Variants in SHC3 observed in about 807,000 individuals in gnomAD.
SHC3 encodes the protein SHC-transforming protein 3.
SHC3 carries 15 observed loss-of-function variants against 60.4 expected under a neutral mutation model. The observed-to-expected ratio is 0.25, with a 90% CI of 0.17 to 0.38. SHC3 has a LOEUF of 0.38. SHC3 is among the 10% of genes least tolerant of loss of function. SHC3 has a pLI of 1.00. For missense variants in SHC3, 677 were observed against 786.1 expected, an observed-to-expected ratio of 0.86 and a Z score of 1.66; for synonymous variants, 294 against 325.9, an observed-to-expected ratio of 0.90 and a Z score of 1.05.
intron 11 of SHC3, among the ~76,000 whole-genome samples, chr9:89,026,603 C>T (rs12115277): frequency 0.018 from 2,695 of 152,324 alleles, 101 homozygotes; most frequent in African/African-American, 0.061. Flanking sequence ...TCAGGATCTC[C>T]TGGGGCTGTG....
At chr9:89,139,790 A>G (rs1826366941) in intron 1 of SHC3, among the ~76,000 whole-genome samples, 1 of 152,176 alleles carries the variant, frequency 6.6e-6, no homozygotes, top group Non-Finnish European at 1.5e-5. Flanking sequence ...AGTTTCTCCA[A>G]TTCTGTCCTA....
intron 2 of SHC3, among the ~76,000 whole-genome samples, chr9:89,089,170 G>A (rs572767090): frequency 1.2e-4 from 19 of 152,312 alleles, no homozygotes; most frequent in Non-Finnish European, 2.5e-4. Flanking sequence ...TGCACCAGAA[G>A]CTGGCTGTCC....
Position 89,011,567 on chromosome 9 carries a change from G to T in SHC3, c.*1880C>A, listed in dbSNP as rs1169843187. The T allele has an allele frequency of 6.6e-6, 1 of 152,276 alleles. No homozygotes were observed. The highest frequency in any genetic ancestry group is 2.4e-5 in the African/African-American group (1 of 41,462). 9.4% of individuals were successfully genotyped at this position (152,276 alleles called of 1,614,324 possible). A position where few individuals can be genotyped will look rare whatever the true frequency, so the allele number is the denominator to read the frequency against. On this transcript the variant is annotated 3_prime_UTR_variant, in exon 12 of 12. Coordinates refer to ENST00000375835, the MANE Select transcript of SHC3 (RefSeq NM_016848.6). ...ACAGATGTGCAGGGCAGCTCTCAGA[G>T]CACCCAAGTCTATGCTGTCTTGGGG...
intron 5 of SHC3, among the ~76,000 whole-genome samples, chr9:89,066,168 C>T (rs917862426): frequency 1.8e-4 from 27 of 152,264 alleles, no homozygotes; most frequent in African/African-American, 6.3e-4. Flanking sequence ...CTAAGCCATA[C>T]CCCCGAGTTT....
Position 89,012,929 on chromosome 9 carries a change from C to G in SHC3, c.*518G>C, listed in dbSNP as rs1826031697. ...GGATGCCCGCTCCCACCAGCAAGCACAGCCATGCCTCAGAACCAGTATCTC... is the reference window on the plus strand; with the variant it reads ...GGATGCCCGCTCCCACCAGCAAGCAGAGCCATGCCTCAGAACCAGTATCTC... On this transcript the variant is annotated 3_prime_UTR_variant, in exon 12 of 12. Coordinates refer to ENST00000375835, the MANE Select transcript of SHC3 (RefSeq NM_016848.6). The G allele has an allele frequency of 6.6e-6, 1 of 152,392 alleles. No individual in the cohort carries two copies. The highest frequency in any genetic ancestry group is 2.4e-5 in the African/African-American group (1 of 41,440). 9.4% of individuals were successfully genotyped at this position (152,392 alleles called of 1,614,324 possible). A position where few individuals can be genotyped will look rare whatever the true frequency, so the allele number is the denominator to read the frequency against.
At chr9:89,111,881 C>T (rs1344691543) in intron 2 of SHC3, among the ~76,000 whole-genome samples, 2 of 152,234 alleles carry the variant, frequency 1.3e-5, no homozygotes, top group Non-Finnish European at 2.9e-5. Flanking sequence ...GTAGCAGTTT[C>T]ACAGACTCTG....
At chr9:89,084,460 A>T (rs1279590518) in intron 2 of SHC3, among the ~76,000 whole-genome samples, 1 of 152,240 alleles carries the variant, frequency 6.6e-6, no homozygotes, top group East Asian at 1.9e-4. Flanking sequence ...TGGGATTACT[A>T]AGAATGTATT....
At chr9:89,014,467 T>C (rs886365407) in intron 11 of SHC3, among the ~76,000 whole-genome samples, 1 of 152,144 alleles carries the variant, frequency 6.6e-6, no homozygotes, top group Non-Finnish European at 1.5e-5. Flanking sequence ...AGCAGCCACC[T>C]GGCTAGGTCC....
chr9:89,161,525 G>A (rs944214710), intron 1 of SHC3, among the ~76,000 whole-genome samples: 40 of 152,108 alleles, frequency 2.6e-4, no homozygotes, highest in African/African-American at 3.9e-4. Flanking sequence ...CTGAACACCC[G>A]TCCCACAATC....
intron 1 of SHC3, among the ~76,000 whole-genome samples, chr9:89,170,147 C>T (rs758527984): frequency 7.9e-5 from 12 of 152,154 alleles, no homozygotes; most frequent in South Asian, 6.2e-4. Context: ...AGGAGGGATG[C>T]GCTAAATCCT....
chr9:89,126,673 T>C (rs1169010002), intron 1 of SHC3, among the ~76,000 whole-genome samples: 1 of 152,190 alleles, frequency 6.6e-6, no homozygotes, highest in Non-Finnish European at 1.5e-5. Flanking sequence ...AGGGAATATT[T>C]TTCTCCCTTC....
intron 2 of SHC3, among the ~76,000 whole-genome samples, chr9:89,091,597 A>AT (rs1305402401): frequency 1.3e-5 from 2 of 152,240 alleles, no homozygotes; most frequent in African/African-American, 4.8e-5. Flanking sequence ...CTAATAAAAC[A>AT]TTTTTTAATA....
chr9:89,022,791 T>A (rs1826227571), intron 11 of SHC3, among the ~76,000 whole-genome samples: 1 of 152,162 alleles, frequency 6.6e-6, no homozygotes, highest in Non-Finnish European at 1.5e-5. Flanking sequence ...GTGCACTTAT[T>A]TTAAGTGCAT....
At chr9:89,022,685 C>T (rs1022006805) in intron 11 of SHC3, among the ~76,000 whole-genome samples, 7 of 152,272 alleles carry the variant, frequency 4.6e-5, no homozygotes, top group African/African-American at 1.7e-4. Context: ...AGAGGACCAT[C>T]CGAACATGCT....
chr9:89,113,543 G>C (rs1825980465), intron 1 of SHC3, among the ~76,000 whole-genome samples: 1 of 152,124 alleles, frequency 6.6e-6, no homozygotes, highest in African/African-American at 2.4e-5. Context: ...ATGTGAATTG[G>C]AGGCTGGCTT....
At chr9:89,127,455 A>G (rs1426745809) in intron 1 of SHC3, among the ~76,000 whole-genome samples, 1 of 152,158 alleles carries the variant, frequency 6.6e-6, no homozygotes, top group African/African-American at 2.4e-5. Context: ...GCTCCTTGAG[A>G]AAAACAGGAG....
Position 89,013,415 on chromosome 9 carries a change from G to C in SHC3, c.*32C>G. On this transcript the variant is annotated 3_prime_UTR_variant, in exon 12 of 12. Transcript: ENST00000375835. Reference sequence around the variant, plus strand: ...AGTCCACTCCAGGTCCTCCTGACCTGGTGCGCAGTGCTGGGAGCAGTGCTG... The same window carrying C: ...AGTCCACTCCAGGTCCTCCTGACCTCGTGCGCAGTGCTGGGAGCAGTGCTG... The C allele has an allele frequency of 6.5e-7, 1 of 1,530,150 alleles. No individual in the cohort carries two copies. The highest frequency in any genetic ancestry group is 8.8e-7 in the Non-Finnish European group (1 of 1,136,620). The allele number at this position is 1,530,150 out of a possible 1,614,324, so 94.8% of individuals were successfully genotyped here.
chr9:89,140,753 A>T (rs1489469837), intron 1 of SHC3, among the ~76,000 whole-genome samples: 1 of 152,140 alleles, frequency 6.6e-6, no homozygotes, highest in African/African-American at 2.4e-5. Context: ...GGTCCGTGGC[A>T]CTTCCTCTGT....
chr9:89,059,063 GAGGACGTGGTAA>G (rs1320764410), intron 6 of SHC3, among the ~76,000 whole-genome samples: 1 of 148,322 alleles, frequency 6.7e-6, no homozygotes, highest in African/African-American at 2.5e-5. Context: ...GGCGGTGGTG[GAGGACGTGGTAA>G]AGGACGTGAT....
Sources: allele counts gnomAD v4.1 joint callset (sites outside exome capture counted in the v4.1 genomes callset), GRCh38; gene constraint gnomAD v4.1.1; transcripts MANE v1.5; gene names NCBI Gene and HGNC (gene_info 2026-07-23, HGNC 2026-07-21).